The following GLI3 variants were observed in gnomAD, a reference collection of about 807,000 sequenced individuals.
GLI3 encodes the protein GLI family zinc finger 3, also known as transcription activator GLI3.
A neutral mutation model predicts 100.8 loss-of-function variants in GLI3; 20 were observed. The ratio of observed to expected loss-of-function variants is 0.20; its 90% CI spans 0.14 to 0.29. GLI3 has a LOEUF of 0.29. Ranked by LOEUF, GLI3 falls within the 10% of genes least tolerant of loss-of-function variation. GLI3 has a pLI of 1.00. For synonymous variants in GLI3, 938 were observed against 860.5 expected (o/e 1.09, Z -1.58); for missense variants, 2,040 against 2,128.5 (o/e 0.96, Z 0.82).
chr7:42,197,351 A>G (rs945302549), intron 2 of GLI3, among the ~76,000 whole-genome samples: 3 of 152,220 alleles, frequency 2.0e-5, no homozygotes, highest in African/African-American at 7.2e-5. Flanking sequence ...GTGGATACCA[A>G]GATGCCCCGG....
At chr7:42,248,118 A>ACTC (rs1788994092) in intron 1 of GLI3, among the ~76,000 whole-genome samples, 1 of 152,244 alleles carries the variant, frequency 6.6e-6, no homozygotes, top group East Asian at 1.9e-4. Context: ...AAAAATATAA[A>ACTC]ATAGCAGCAT....
At position 42,125,807 on chromosome 7, in the gene GLI3, A is replaced by G. The variant is rs576251521; in HGVS notation, c.367+22419T>C. 6.6e-5 allele frequency among the ~76,000 whole-genome samples: 10 copies of G among 152,350 alleles called. No individual in the cohort carries two copies. In the South Asian group the frequency reaches 1.4e-3, roughly 22 times the overall value. On this transcript the variant is annotated intron_variant, in intron 3 of 14. Transcript: ENST00000395925. ...GACGGCATTTACGTGCAAACTCTGTACAATGGGGTTCGATGGAGCTGGGCG... is the reference window on the plus strand; with the variant it reads ...GACGGCATTTACGTGCAAACTCTGTGCAATGGGGTTCGATGGAGCTGGGCG...
intron 2 of GLI3, among the ~76,000 whole-genome samples, chr7:42,198,182 G>A (rs1000668636): frequency 1.3e-5 from 2 of 152,178 alleles, no homozygotes; most frequent in Non-Finnish European, 2.9e-5. Flanking sequence ...CTATGTGAAG[G>A]ACACAGGACA....
rs958617294 is a variant in GLI3, at chr7:42,045,545, G to A, written c.680-15C>T. 6.2e-7 allele frequency: 1 copy of A among 1,613,412 alleles called. No homozygotes were observed. Among genetic ancestry groups the A allele is most frequent in the Non-Finnish European group, 8.5e-7 (1 of 1,179,684 alleles). ...TGCATGGGGCGCTAGGAGGAGACAA[G>A]AGATGTATGGTTACTAGCGAAAGAA... On this transcript the variant is annotated splice_polypyrimidine_tract_variant and intron_variant, in intron 5 of 14. Coordinates refer to ENST00000395925, the MANE Select transcript of GLI3 (RefSeq NM_000168.6).
intron 2 of GLI3, among the ~76,000 whole-genome samples, chr7:42,162,832 T>C (rs1787157446): frequency 6.6e-6 from 1 of 152,158 alleles, no homozygotes; most frequent in South Asian, 2.1e-4. Flanking sequence ...AAGCAGCTTC[T>C]CCTTGGCTCC....
rs371775636 is a variant in GLI3 at position 41,967,695 on chromosome 7, C to T, written c.2332G>A (p.Val778Ile). 5.5e-5 allele frequency: 89 copies of T among 1,614,186 alleles called. No individual in the cohort carries two copies. The highest frequency in any genetic ancestry group is 1.6e-4 in the Middle Eastern group (1 of 6,062). The change falls in exon 14 of 15, where the codon GTA (valine) becomes ATA (isoleucine). Residue 778 changes from valine to isoleucine, a missense_variant. By Grantham distance (29) the Val-to-Ile change is conservative. Transcript: ENST00000395925. ...NPAGTKWMEH[V>I]KLERLKQVNG... ...ACTTGTTTTAGCCTTTCTAGTTTTA[C>T]GTGCTCCATCCATTTGGTCCCTGCC...
chr7:42,135,486 G>A (rs1018750343), intron 3 of GLI3, among the ~76,000 whole-genome samples: 3 of 152,164 alleles, frequency 2.0e-5, no homozygotes, highest in Non-Finnish European at 4.4e-5. Flanking sequence ...GATCCAGGCA[G>A]ATATCTCATA....
intron 2 of GLI3, among the ~76,000 whole-genome samples, chr7:42,158,907 T>C (rs1322386804): frequency 1.3e-5 from 2 of 152,230 alleles, no homozygotes; most frequent in Non-Finnish European, 2.9e-5. Flanking sequence ...GCCAGAGTCA[T>C]GAATGAAACA....
chr7:42,019,412 G>A (rs939652925), intron 10 of GLI3, among the ~76,000 whole-genome samples: 7 of 152,228 alleles, frequency 4.6e-5, no homozygotes, highest in African/African-American at 7.2e-5. Context: ...CTTACTTCTC[G>A]GACAAAATTA....
At chr7:42,256,096 T>C (rs1224118409) in intron 1 of GLI3, among the ~76,000 whole-genome samples, 1 of 152,202 alleles carries the variant, frequency 6.6e-6, no homozygotes, top group African/African-American at 2.4e-5. Flanking sequence ...TTAGCCATTT[T>C]CATATCTTCT....
intron 3 of GLI3, among the ~76,000 whole-genome samples, chr7:42,136,960 T>C (rs1383271703): frequency 2.6e-5 from 4 of 152,206 alleles, no homozygotes; most frequent in Non-Finnish European, 4.4e-5. Context: ...TTATGGGACA[T>C]GGGTGAAGAA....
intron 3 of GLI3, among the ~76,000 whole-genome samples, chr7:42,114,779 G>C (rs1157007307): frequency 1.3e-5 from 2 of 152,018 alleles, no homozygotes; most frequent in East Asian, 1.9e-4. Flanking sequence ...TCGGCTCACT[G>C]CAACCTCCGC....
chr7:42,042,169 C>T (rs948016069), intron 6 of GLI3, among the ~76,000 whole-genome samples: 4 of 152,024 alleles, frequency 2.6e-5, no homozygotes, highest in South Asian at 2.1e-4. Flanking sequence ...CACACCACCA[C>T]GCCCGGATAA....
At chr7:42,006,308 T>C (rs948766720) in intron 10 of GLI3, among the ~76,000 whole-genome samples, 1 of 152,122 alleles carries the variant, frequency 6.6e-6, no homozygotes, top group Non-Finnish European at 1.5e-5. Context: ...ACAGGAATTA[T>C]TCCTCAGCTC....
chr7:42,038,836 G>A (rs577340141), intron 7 of GLI3, among the ~76,000 whole-genome samples: 1 of 152,196 alleles, frequency 6.6e-6, no homozygotes, highest in Admixed American at 6.5e-5. Flanking sequence ...ACTAAATGTG[G>A]GTATCTTGCT....
intron 3 of GLI3, among the ~76,000 whole-genome samples, chr7:42,089,532 T>C (rs951711583): frequency 6.6e-6 from 1 of 152,242 alleles, no homozygotes; most frequent in African/African-American, 2.4e-5. Flanking sequence ...TCCTTTCTAC[T>C]GAGTTTTACC....
At chr7:42,202,485 T>C (rs543026373) in intron 2 of GLI3, among the ~76,000 whole-genome samples, 2 of 152,234 alleles carry the variant, frequency 1.3e-5, no homozygotes, top group Admixed American at 1.3e-4. Flanking sequence ...AACTAGTGAT[T>C]AATATCAGAG....
At chr7:41,997,573 G>A (rs543198057) in intron 10 of GLI3, among the ~76,000 whole-genome samples, 1 of 152,312 alleles carries the variant, frequency 6.6e-6, no homozygotes, top group Non-Finnish European at 1.5e-5. Context: ...AAAATAAAGA[G>A]AGAAAGAGCT....
chr7:42,244,022 C>T (rs1426287463), intron 1 of GLI3, among the ~76,000 whole-genome samples: 3 of 152,138 alleles, frequency 2.0e-5, no homozygotes, highest in East Asian at 3.9e-4. Flanking sequence ...TTAGTAGAGA[C>T]GGGGTTTTAC....
Sources: allele counts gnomAD v4.1 joint callset (sites outside exome capture counted in the v4.1 genomes callset), GRCh38; gene constraint gnomAD v4.1.1; transcripts MANE v1.5; gene names NCBI Gene and HGNC (gene_info 2026-07-23, HGNC 2026-07-21).